The following CHD1 variants were observed in gnomAD, a reference collection of about 807,000 sequenced individuals.
The protein encoded by CHD1 is chromodomain helicase DNA binding protein 1.
A neutral mutation model predicts 224.2 loss-of-function variants in CHD1; 36 were observed. That is an observed-to-expected ratio of 0.16 (90% CI 0.12 to 0.21). The LOEUF (loss-of-function observed/expected upper bound fraction) is 0.21, where lower values mean the gene tolerates loss of function less well. Among genes scored for constraint, CHD1 ranks in the 10% least tolerant of loss-of-function variants. The pLI is 1.00. For synonymous variants in CHD1, 668 were observed against 658.3 expected, an observed-to-expected ratio of 1.01 and a Z score of -0.23; for missense variants, 1,378 against 1,994.8, an observed-to-expected ratio of 0.69 and a Z score of 5.89.
At chr5:98,858,668 A>G in intron 34 of CHD1, 1 of 426,992 alleles carries the variant, frequency 2.3e-6, no homozygotes, top group East Asian at 3.8e-5. Context: ...AGAATGCATT[A>G]CTATTCCAAA....
Position 98,906,295 on chromosome 5 carries a change from T to C in CHD1, c.54-1197A>G, listed in dbSNP as rs1752047353. Among the ~76,000 whole-genome samples, 5 of 152,326 alleles carry C rather than the reference T, an allele frequency of 3.3e-5. No homozygotes were observed. In the South Asian group the frequency reaches 1.0e-3, roughly 32 times the overall value. On this transcript the variant is annotated intron_variant, in intron 2 of 35. Coordinates refer to ENST00000614616, the MANE Select transcript of CHD1 (RefSeq NM_001270.4). ...ATTTGCTTCTTAAAGGCATATGCTATGAAGATCATTTTTGCCATCATGTCT... is the reference window on the plus strand; with the variant it reads ...ATTTGCTTCTTAAAGGCATATGCTACGAAGATCATTTTTGCCATCATGTCT...
intron 2 of CHD1, among the ~76,000 whole-genome samples, chr5:98,920,690 G>A (rs1268232860): frequency 2.0e-5 from 3 of 152,020 alleles, no homozygotes; most frequent in African/African-American, 4.8e-5. Flanking sequence ...CCAGTCACTC[G>A]GGAGGCTGTG....
intron 2 of CHD1, among the ~76,000 whole-genome samples, chr5:98,905,945 G>A (rs1411808111): frequency 2.6e-5 from 4 of 152,072 alleles, no homozygotes; most frequent in African/African-American, 9.7e-5. Context: ...GGTTGACTCC[G>A]CTTTTGATGT....
At chr5:98,868,659 CA>C in intron 30 of CHD1, 24 bp from the exon 31 acceptor site, 1 of 1,519,588 alleles carries the variant, frequency 6.6e-7, no homozygotes, top group East Asian at 2.4e-5. Context: ...GAAAAGAAAA[CA>C]AAAACAAAAC....
rs539673021 is a variant in CHD1 at position 98,866,639 on chromosome 5, C to CT, written c.4248+1855_4248+1856insA. ...AGTGACTGAAGTATGTTAACTGCTC[C>CT]AACTAGTATAAAAGATTCAGATGCT... On this transcript the variant is annotated intron_variant, in intron 31 of 35. Coordinates refer to ENST00000614616, the MANE Select transcript of CHD1 (RefSeq NM_001270.4). 6.4e-4 allele frequency among the ~76,000 whole-genome samples: 97 copies of CT among 152,048 alleles called. 3 individuals are homozygous for CT. In the South Asian group the frequency reaches 0.019, roughly 30 times the overall value.
chr5:98,864,023 T>C (rs1185405302), intron 31 of CHD1, among the ~76,000 whole-genome samples: 1 of 152,206 alleles, frequency 6.6e-6, no homozygotes, highest in Non-Finnish European at 1.5e-5. Flanking sequence ...ATATAAACTG[T>C]ATTCTTCCAA....
At chr5:98,908,173 G>C (rs1752168884) in intron 2 of CHD1, among the ~76,000 whole-genome samples, 1 of 152,062 alleles carries the variant, frequency 6.6e-6, no homozygotes, top group Non-Finnish European at 1.5e-5. Flanking sequence ...CTAAGTTCAA[G>C]CTATGGCAAG....
intron 2 of CHD1, among the ~76,000 whole-genome samples, chr5:98,920,841 A>G (rs1753046374): frequency 6.6e-6 from 1 of 151,888 alleles, no homozygotes; most frequent in Admixed American, 6.6e-5. Flanking sequence ...AAAACATTCT[A>G]CAGGATACCT....
Position 98,872,218 on chromosome 5 carries a change from T to C in CHD1, c.3711-17A>G. 1 of 1,594,414 alleles carries C rather than the reference T, an allele frequency of 6.3e-7. No individual in the cohort carries two copies. Among genetic ancestry groups the C allele is most frequent in the Non-Finnish European group, 8.5e-7 (1 of 1,172,748 alleles). On this transcript the variant is annotated splice_polypyrimidine_tract_variant and intron_variant, in intron 27 of 35. Coordinates refer to ENST00000614616, the MANE Select transcript of CHD1 (RefSeq NM_001270.4). ...ATAGTATACCTGGCATCAAAGTTAA[T>C]AACTAATGATAAGTTTGTAATTGCC...
rs375820530 is a variant in CHD1, at chr5:98,901,004, T to A, written c.666A>T (p.Glu222Asp). 6.2e-6 allele frequency: 10 copies of A among 1,613,768 alleles called. No homozygotes were observed. The Admixed American group carries it at 8.3e-5, about 13-fold the overall frequency. Residue 222 changes from glutamate to aspartate, a missense_variant, in exon 7 of 36, where the codon GAA becomes GAT. Physicochemically the swap from Glu to Asp is conservative, Grantham distance 45 (BLOSUM62 2). Coordinates refer to ENST00000614616, the MANE Select transcript of CHD1 (RefSeq NM_001270.4). ...TTCTTTTATCATTATCATAATCTTC[T>A]TCATCATCATCCTCCTCAGATGAAT... ...QIDSSEEDDD[E>D]EDYDNDKRSS...
intron 32 of CHD1, among the ~76,000 whole-genome samples, chr5:98,861,413 T>C (rs997698247): frequency 6.6e-6 from 1 of 152,138 alleles, no homozygotes; most frequent in Non-Finnish European, 1.5e-5. Flanking sequence ...TTTAAGAAAT[T>C]TGGTCAAAAA....
In CHD1 at chr5:98,879,553, T is replaced by C. The variant is rs1310541123; in HGVS notation, c.3236A>G (p.Gln1079Arg). The C allele has an allele frequency of 6.3e-7, 1 of 1,582,622 alleles. No homozygotes were observed. Among genetic ancestry groups the C allele is most frequent in the Non-Finnish European group, 8.5e-7 (1 of 1,172,150 alleles). Residue 1079 changes from glutamine (Q) to arginine (R), a missense_variant and splice_region_variant, in exon 23 of 36, where the codon CAG becomes CGG. Physicochemically the swap from Gln to Arg is conservative, Grantham distance 43. Coordinates refer to ENST00000614616, the MANE Select transcript of CHD1 (RefSeq NM_001270.4). ...ATATCTTTAAAATTGCAAAATCACC[T>C]GTTTTGCACAATTTCTCATTCTTGG... ...MLPRMRNCAK[Q>R]ISFNGSEGRR...
chr5:98,879,504 G>A (rs1020657852), intron 23 of CHD1, 48 bp downstream of exon 23: 1 of 1,527,556 alleles, frequency 6.5e-7, no homozygotes, highest in Non-Finnish European at 8.8e-7. Context: ...ATCAGCCCAG[G>A]TTGAATACTC....
rs2112435759 is a variant in CHD1, at chr5:98,856,537, C to G, written c.4976G>C (p.Arg1659Thr). 1.4e-5 allele frequency: 23 copies of G among 1,613,862 alleles called. No homozygotes were observed. The highest frequency in any genetic ancestry group is 1.8e-5 in the Non-Finnish European group (21 of 1,179,836). Residue 1659 changes from arginine to threonine, a missense_variant, in exon 36 of 36, where the codon AGG (arginine) becomes ACG (threonine). Coordinates refer to ENST00000614616, the MANE Select transcript of CHD1 (RefSeq NM_001270.4). ...GTCCATTTGCCAGTCTGAGTGATAC[C>G]TATAATCCCTGGAAGATTTATGGTG... is the stretch of plus-strand genomic sequence containing the variant. ...YTHHKSSRDYRYHSDWQMDHR... is the reference protein window; with the variant it reads ...YTHHKSSRDYTYHSDWQMDHR...
intron 32 of CHD1, among the ~76,000 whole-genome samples, chr5:98,861,487 GCTT>G (rs1748462635): frequency 6.6e-6 from 1 of 152,090 alleles, no homozygotes. Context: ...TGTAACACTT[GCTT>G]AATGCCAACT....
intron 32 of CHD1, among the ~76,000 whole-genome samples, chr5:98,861,019 C>CA (rs1409932362): frequency 6.6e-6 from 1 of 152,042 alleles, no homozygotes; most frequent in African/African-American, 2.4e-5. Flanking sequence ...ATTTTCCCCC[C>CA]AAAAAATCTA....
chr5:98,869,097 T>C, intron 30 of CHD1: 1 of 919,734 alleles, frequency 1.1e-6, no homozygotes, highest in Non-Finnish European at 1.3e-6. Flanking sequence ...TTTTCCTTTA[T>C]ATCTTTCTTA....
intron 18 of CHD1, 53 bp from the exon 19 acceptor site, chr5:98,883,290 C>A: frequency 7.7e-7 from 1 of 1,294,542 alleles, no homozygotes; most frequent in South Asian, 1.5e-5. Context: ...ATTTTCTGAA[C>A]GTAAGCAGTA....
At chr5:98,912,140 A>G (rs1752463921) in intron 2 of CHD1, among the ~76,000 whole-genome samples, 2 of 152,180 alleles carry the variant, frequency 1.3e-5, no homozygotes, top group South Asian at 4.1e-4. Context: ...TTCTTTATTA[A>G]CATCCAAGAT....
Sources: gnomAD v4.1 joint callset for allele counts (sites outside exome capture counted in the v4.1 genomes callset) on GRCh38, gnomAD v4.1.1 for gene constraint, MANE v1.5 for transcripts, NCBI Gene and HGNC (gene_info 2026-07-23, HGNC 2026-07-21) for gene names.